Variants in SMOC2 observed in about 807,000 individuals in gnomAD.
The protein encoded by SMOC2 is SPARC related modular calcium binding 2, also known as SPARC-related modular calcium-binding protein 2.
In SMOC2, 39 loss-of-function variants were observed where a neutral mutation model predicts 61.4. The ratio of observed to expected loss-of-function variants is 0.64; its 90% CI spans 0.49 to 0.83. The LOEUF (loss-of-function observed/expected upper bound fraction) is 0.83. SMOC2 is among the 40% of genes least tolerant of loss of function. The probability of loss-of-function intolerance (pLI) is 0.00; values close to 1 mark genes in which losing one functional copy is unlikely to be tolerated. For synonymous variants in SMOC2, 247 were observed against 239.9 expected (o/e 1.03, Z -0.27); for missense variants, 556 against 592.9 (o/e 0.94, Z 0.65).
chr6:168,566,958 C>G (rs894897900), intron 7 of SMOC2, among the ~76,000 whole-genome samples: 1 of 152,166 alleles, frequency 6.6e-6, no homozygotes, highest in African/African-American at 2.4e-5. Flanking sequence ...GACAGGCCCG[C>G]TATCCTTATT....
At chr6:168,548,540 AT>A (rs1274323854) in intron 6 of SMOC2, among the ~76,000 whole-genome samples, 2 of 141,818 alleles carry the variant, frequency 1.4e-5, no homozygotes, top group African/African-American at 2.6e-5. Context: ...TTTTTTTTGT[AT>A]TATTAGTAGA....
Position 168,541,072 on chromosome 6 carries a change from G to A in SMOC2, c.464-2553G>A, listed in dbSNP as rs557119073. Among the ~76,000 whole-genome samples, 14 of 152,330 alleles carry A rather than the reference G, an allele frequency of 9.2e-5. No individual in the cohort carries two copies. In the South Asian group the frequency reaches 2.7e-3, roughly 29 times the overall value. The stretch of plus-strand genomic sequence containing the variant: ...TTGAACCAAGTGCTCAGAGCTACAA[G>A]ACTTAACAGCTATTATTCCTCCCTT... On this transcript the variant is annotated intron_variant, in intron 4 of 12. Coordinates refer to ENST00000356284, the MANE Select transcript of SMOC2 (RefSeq NM_001166412.2).
intron 8 of SMOC2, 79 bp downstream of exon 8, chr6:168,599,083 T>TC (rs766601152): frequency 1.5e-6 from 2 of 1,303,366 alleles, no homozygotes; most frequent in Non-Finnish European, 2.1e-6. Flanking sequence ...AACCCCCACT[T>TC]CCCCCAACAC....
intron 8 of SMOC2, among the ~76,000 whole-genome samples, chr6:168,599,792 C>T (rs1431409479): frequency 1.3e-5 from 1 of 75,490 alleles, no homozygotes; most frequent in Non-Finnish European, 2.6e-5. Flanking sequence ...ACAAACATAC[C>T]CACAGTCACA....
chr6:168,620,170 T>G (rs538783434), intron 9 of SMOC2, among the ~76,000 whole-genome samples: 3 of 152,232 alleles, frequency 2.0e-5, no homozygotes, highest in African/African-American at 7.2e-5. Flanking sequence ...ATTTCATCTC[T>G]TCACTGAATC....
intron 7 of SMOC2, among the ~76,000 whole-genome samples, chr6:168,591,273 A>C (rs1170856209): frequency 6.6e-6 from 1 of 152,266 alleles, no homozygotes; most frequent in Non-Finnish European, 1.5e-5. Context: ...TCTGAGCCAC[A>C]GACAGCAGAA....
At chr6:168,559,240 G>A (rs571092836) in intron 7 of SMOC2, among the ~76,000 whole-genome samples, 118 of 152,230 alleles carry the variant, frequency 7.8e-4, no homozygotes, top group African/African-American at 2.6e-3. Flanking sequence ...TGGATCACCT[G>A]AGGTCAGGAG....
At position 168,540,321 on chromosome 6, in the gene SMOC2, G is replaced by A. The variant is rs534853972; in HGVS notation, c.464-3304G>A. On this transcript the variant is annotated intron_variant, in intron 4 of 12. Coordinates refer to ENST00000356284, the MANE Select transcript of SMOC2 (RefSeq NM_001166412.2). ...TTTTGGATGGCTTGGTCTGAGTGGG[G>A]AGCATTGCTCTTCCGGAGGGGACCT... is the stretch of plus-strand genomic sequence containing the variant. Among the ~76,000 whole-genome samples, 8 of 152,342 alleles carry A rather than the reference G, an allele frequency of 5.3e-5. No homozygotes were observed. In the South Asian group the frequency reaches 1.7e-3, roughly 32 times the overall value.
intron 1 of SMOC2, among the ~76,000 whole-genome samples, chr6:168,486,513 A>G (rs967363868): frequency 6.6e-6 from 1 of 152,018 alleles, no homozygotes; most frequent in African/African-American, 2.4e-5. Context: ...GTAATAAGCC[A>G]TGCAGCAGAG....
At chr6:168,663,962 A>G in intron 11 of SMOC2, 112 bp from the exon 12 acceptor site, 1 of 857,808 alleles carries the variant, frequency 1.2e-6, no homozygotes, top group Non-Finnish European at 1.8e-6. Context: ...TGAGTTTGCC[A>G]ATTGATAACA....
chr6:168,501,322 A>C (rs1486612047), intron 1 of SMOC2, among the ~76,000 whole-genome samples: 1 of 152,238 alleles, frequency 6.6e-6, no homozygotes, highest in Non-Finnish European at 1.5e-5. Context: ...ATGTGGAGAC[A>C]GGGAAGGAAA....
intron 1 of SMOC2, among the ~76,000 whole-genome samples, chr6:168,472,118 TG>T (rs1369846284): frequency 6.6e-6 from 1 of 152,242 alleles, no homozygotes; most frequent in African/African-American, 2.4e-5. Flanking sequence ...AGGAAATCAT[TG>T]CCAAAGCCAA....
intron 1 of SMOC2, among the ~76,000 whole-genome samples, chr6:168,454,574 G>A (rs1245339753): frequency 6.6e-6 from 1 of 152,210 alleles, no homozygotes. Flanking sequence ...TGGGCAGTGA[G>A]ACCAGGTGTT....
rs113109943 is a variant in SMOC2, at chr6:168,611,259, G to T, written c.907+3020G>T. Among the ~76,000 whole-genome samples the T allele has an allele frequency of 3.6e-3, 474 of 132,952 alleles. 2 individuals carry two copies. The highest frequency in any genetic ancestry group is 0.014 in the African/African-American group (463 of 33,944). The allele number at this position is 132,952 out of a possible 152,430, so 87.2% of individuals were successfully genotyped here. ...TGTCTGGCCCTGCTCTGGTTCCCATGTCCGGGACCCACCGTGGCTCCCGTG... is the reference window on the plus strand; with the variant it reads ...TGTCTGGCCCTGCTCTGGTTCCCATTTCCGGGACCCACCGTGGCTCCCGTG... On this transcript the variant is annotated intron_variant, in intron 9 of 12. Transcript: ENST00000356284.
intron 7 of SMOC2, among the ~76,000 whole-genome samples, chr6:168,570,549 C>G (rs1784641989): frequency 6.6e-6 from 1 of 152,158 alleles, no homozygotes; most frequent in Non-Finnish European, 1.5e-5. Flanking sequence ...TATATTTCAC[C>G]TCTTTTGAAA....
At chr6:168,525,509 GT>G (rs1415599400) in intron 2 of SMOC2, among the ~76,000 whole-genome samples, 1 of 152,180 alleles carries the variant, frequency 6.6e-6, no homozygotes, top group African/African-American at 2.4e-5. Flanking sequence ...TTCTGAATTA[GT>G]TTTTTTCCAC....
chr6:168,527,545 G>A lies in SMOC2; in HGVS notation c.364-83G>A, dbSNP rs2224209. 0.76 allele frequency: 760,198 copies of A among 1,000,100 alleles called. 293,764 individuals are homozygous for A. The highest frequency in any genetic ancestry group is 0.8 in the Non-Finnish European group (523,320 of 651,442). The allele number at this position is 1,000,100 out of a possible 1,614,324, so 62.0% of individuals were successfully genotyped here. ...CCAGGACCCTGTCTGAGCCACTGCC[G>A]CAGAAAGCAGAGTGGGCCTCGCAGC... On this transcript the variant is annotated intron_variant, in intron 3 of 12. Transcript: ENST00000356284.
At chr6:168,569,178 C>T (rs1292605040) in intron 7 of SMOC2, among the ~76,000 whole-genome samples, 3 of 152,174 alleles carry the variant, frequency 2.0e-5, no homozygotes, top group African/African-American at 7.2e-5. Flanking sequence ...TGCTTTGTAG[C>T]CTCCCCAGCA....
At chr6:168,508,141 G>A (rs1256070777) in intron 1 of SMOC2, among the ~76,000 whole-genome samples, 1 of 152,214 alleles carries the variant, frequency 6.6e-6, no homozygotes, top group Non-Finnish European at 1.5e-5. Flanking sequence ...CTGGCTTTGA[G>A]TCCAGCTTTG....
Sources: gnomAD v4.1 joint callset for allele counts (sites outside exome capture counted in the v4.1 genomes callset) on GRCh38, gnomAD v4.1.1 for gene constraint, MANE v1.5 for transcripts, NCBI Gene and HGNC (gene_info 2026-07-23, HGNC 2026-07-21) for gene names.